The following TBL1XR1 variants were observed in gnomAD, a reference collection of about 807,000 sequenced individuals.
TBL1XR1 encodes F-box-like/WD repeat-containing protein TBL1XR1.
Under a neutral mutation model 66.9 loss-of-function variants are expected in TBL1XR1, and 5 were observed. That is an observed-to-expected ratio of 0.07 (90% CI 0.04 to 0.16). The LOEUF (loss-of-function observed/expected upper bound fraction) is 0.16, where lower values mean the gene tolerates loss of function less well. TBL1XR1 is among the 10% of genes least tolerant of loss of function. The pLI is 1.00. For missense variants in TBL1XR1, 238 were observed against 623.2 expected (o/e 0.38, Z 6.58); for synonymous variants, 210 against 206.0 (o/e 1.02, Z -0.17).
intron 14 of TBL1XR1, chr3:177,032,390 C>T (rs1408140486): frequency 6.6e-6 from 1 of 152,138 alleles, no homozygotes; most frequent in Non-Finnish European, 1.5e-5. Context: ...TGCACTACAA[C>T]CAACAAAGAT....
At chr3:177,052,142 C>A (rs992300436) in intron 4 of TBL1XR1, among the ~76,000 whole-genome samples, 4 of 152,182 alleles carry the variant, frequency 2.6e-5, no homozygotes, top group African/African-American at 9.6e-5. Flanking sequence ...AAACTAAAAA[C>A]TTTGAGCTGA....
chr3:177,192,255 G>T (rs779532704), intron 1 of TBL1XR1, among the ~76,000 whole-genome samples: 1 of 151,842 alleles, frequency 6.6e-6, no homozygotes, highest in Non-Finnish European at 1.5e-5. Flanking sequence ...GCGTGGTGGC[G>T]CATGCCTATA....
At chr3:177,039,165 A>G (rs1466783868) in intron 10 of TBL1XR1, among the ~76,000 whole-genome samples, 1 of 152,242 alleles carries the variant, frequency 6.6e-6, no homozygotes, top group Non-Finnish European at 1.5e-5. Context: ...TCCCATCCCC[A>G]TGATATTGCC....
chr3:177,140,825 C>A lies in TBL1XR1; in HGVS notation c.-121-42284G>T, dbSNP rs543527300. ...CAGGAAAAAAGGAGGTTCAAAATCA[C>A]GTAGTTGCAAACTCTAATCCTAGCT... On this transcript the variant is annotated intron_variant, in intron 1 of 15. Transcript: ENST00000457928. 5.6e-4 allele frequency among the ~76,000 whole-genome samples: 85 copies of A among 152,210 alleles called. 1 individual carries two copies. In the South Asian group the frequency reaches 0.016, roughly 29 times the overall value.
chr3:177,086,395 G>A (rs772148253), intron 2 of TBL1XR1, among the ~76,000 whole-genome samples: 2 of 151,888 alleles, frequency 1.3e-5, no homozygotes, highest in Non-Finnish European at 2.9e-5. Context: ...TACTGGGTAA[G>A]TCTAAATACA....
At chr3:177,105,901 C>CT (rs1279259564) in intron 1 of TBL1XR1, among the ~76,000 whole-genome samples, 4 of 152,052 alleles carry the variant, frequency 2.6e-5, no homozygotes, top group Non-Finnish European at 5.9e-5. Context: ...AATTATTAAC[C>CT]TAAGGCAGGA....
chr3:177,058,766 G>A (rs1426608971), intron 3 of TBL1XR1, among the ~76,000 whole-genome samples: 1 of 152,160 alleles, frequency 6.6e-6, no homozygotes, highest in African/African-American at 2.4e-5. Flanking sequence ...CGCTATGCTG[G>A]CTAGTCCTAA....
intron 1 of TBL1XR1, among the ~76,000 whole-genome samples, chr3:177,135,333 GTATACATATATATATATATA>G (rs1271683664): frequency 5.6e-5 from 3 of 53,818 alleles, no homozygotes; most frequent in South Asian, 7.2e-4. Flanking sequence ...GTGTGTGTGT[GTATACATATATATATATATA>G]TATATATATA....
intron 1 of TBL1XR1, among the ~76,000 whole-genome samples, chr3:177,110,600 C>A (rs1289503826): frequency 2.2e-4 from 34 of 152,012 alleles, no homozygotes; most frequent in South Asian, 8.3e-4. Flanking sequence ...ACTATGAAGA[C>A]ACTAAGCTGA....
chr3:177,050,283 G>C, intron 6 of TBL1XR1, 145 bp from the exon 7 acceptor site: 1 of 1,262,922 alleles, frequency 7.9e-7, no homozygotes, highest in Admixed American at 2.5e-5. Flanking sequence ...CATTCTACAC[G>C]TTGGGACCCC....
chr3:177,042,731 T>A (rs941973221), intron 10 of TBL1XR1, among the ~76,000 whole-genome samples: 1 of 152,140 alleles, frequency 6.6e-6, no homozygotes, highest in African/African-American at 2.4e-5. Flanking sequence ...CATAAGAGGC[T>A]ATGAAAACTT....
chr3:177,146,589 C>CAAAAAAAAAAAAAAAAAAAAAAAAAAAA lies in TBL1XR1; in HGVS notation c.-121-48049_-121-48048insTTTTTTTTTTTTTTTTTTTTTTTTTTTT, dbSNP rs78065426. On this transcript the variant is annotated intron_variant, in intron 1 of 15. Transcript: ENST00000457928. ...TGGGCAGCTGAGCGAGACTCCATCT[C>CAAAAAAAAAAAAAAAAAAAAAAAAAAAA]AAAAAAAAAAAAAAAAAAGTTGTAT... 3.7e-4 allele frequency among the ~76,000 whole-genome samples: 19 copies of CAAAAAAAAAAAAAAAAAAAAAAAAAAAA among 51,964 alleles called. 4 individuals are homozygous for CAAAAAAAAAAAAAAAAAAAAAAAAAAAA. Among genetic ancestry groups the CAAAAAAAAAAAAAAAAAAAAAAAAAAAA allele is most frequent in the East Asian group, 7.8e-4 (1 of 1,284 alleles). 34.1% of individuals were successfully genotyped at this position (51,964 alleles called of 152,430 possible).
At chr3:177,078,255 AAC>A (rs1221416268) in intron 2 of TBL1XR1, among the ~76,000 whole-genome samples, 1 of 152,212 alleles carries the variant, frequency 6.6e-6, no homozygotes, top group African/African-American at 2.4e-5. Flanking sequence ...TATATTTTTA[AAC>A]TTTCATAAAT....
chr3:177,043,539 T>A lies in TBL1XR1; in HGVS notation c.925+2590A>T, dbSNP rs183345957. Among the ~76,000 whole-genome samples, 60 of 152,294 alleles carry A rather than the reference T, an allele frequency of 3.9e-4. 1 individual carries two copies. The highest frequency in any genetic ancestry group is 2.9e-5 in the Non-Finnish European group (2 of 67,996). ...GTATAAATGTACACTTGATTAGTGA[T>A]AGCATGGTATTTATTTTTACATCAT... On this transcript the variant is annotated intron_variant, in intron 10 of 15. Coordinates refer to ENST00000457928, the MANE Select transcript of TBL1XR1 (RefSeq NM_024665.7).
chr3:177,147,056 T>C (rs1730343225), intron 1 of TBL1XR1, among the ~76,000 whole-genome samples: 1 of 152,016 alleles, frequency 6.6e-6, no homozygotes, highest in Non-Finnish European at 1.5e-5. Flanking sequence ...ACTTTTTTTT[T>C]TTTTTTAAGA....
At chr3:177,034,511 TA>T (rs5854736) in intron 12 of TBL1XR1, among the ~76,000 whole-genome samples, 186 bp from the exon 13 acceptor site, 15 of 150,052 alleles carry the variant, frequency 1.0e-4, no homozygotes, top group African/African-American at 2.9e-4. Context: ...CATCTCTGTT[TA>T]AAAAAAAAAG....
intron 2 of TBL1XR1, among the ~76,000 whole-genome samples, chr3:177,090,063 C>G (rs1722633485): frequency 6.6e-6 from 1 of 152,206 alleles, no homozygotes; most frequent in South Asian, 2.1e-4. Flanking sequence ...TTGACATGCA[C>G]ATTTCATGCT....
chr3:177,075,285 G>A lies in TBL1XR1; in HGVS notation c.-45-10263C>T, dbSNP rs139431577. On this transcript the variant is annotated intron_variant, in intron 2 of 15. Coordinates refer to ENST00000457928, the MANE Select transcript of TBL1XR1 (RefSeq NM_024665.7). ...CCTTGCTTTGTGTCTGAGTCTTTACGTGGCATTCTCCTCTTTGTGTGTTGT... is the reference window on the plus strand; with the variant it reads ...CCTTGCTTTGTGTCTGAGTCTTTACATGGCATTCTCCTCTTTGTGTGTTGT... Among the ~76,000 whole-genome samples, 493 of 152,266 alleles carry A rather than the reference G, an allele frequency of 3.2e-3. 7 individuals carry two copies. In the East Asian group the frequency reaches 0.06, roughly 18 times the overall value.
At chr3:177,084,951 A>T (rs563739643) in intron 2 of TBL1XR1, among the ~76,000 whole-genome samples, 5 of 152,320 alleles carry the variant, frequency 3.3e-5, no homozygotes, top group African/African-American at 1.2e-4. Context: ...GTGGAATTAT[A>T]ACTCTCTACT....
Sources: allele counts gnomAD v4.1 joint callset (sites outside exome capture counted in the v4.1 genomes callset), GRCh38; gene constraint gnomAD v4.1.1; transcripts MANE v1.5; gene names NCBI Gene and HGNC (gene_info 2026-07-23, HGNC 2026-07-21).